The following AHCYL1 variants were observed in gnomAD, a reference collection of about 807,000 sequenced individuals.
AHCYL1 encodes adenosylhomocysteinase like 1.
A neutral mutation model predicts 79.3 loss-of-function variants in AHCYL1; 20 were observed. That is an observed-to-expected ratio of 0.25 (90% confidence interval 0.18 to 0.37). The LOEUF is 0.37. AHCYL1 is among the 10% of genes least tolerant of loss of function. AHCYL1 has a pLI of 1.00. For missense variants in AHCYL1, 330 were observed against 673.6 expected (o/e 0.49, Z 5.65); for synonymous variants, 223 against 242.2 (o/e 0.92, Z 0.74).
Position 110,021,833 on chromosome 1 carries a change from G to A in AHCYL1, c.*153G>A, listed in dbSNP as rs1651825436. On this transcript the variant is annotated 3_prime_UTR_variant, in exon 17 of 17. Coordinates refer to ENST00000369799, the MANE Select transcript of AHCYL1 (RefSeq NM_006621.7). Reference sequence around the variant, plus strand: ...TTCATCTCATTATCCAAGTTCTGCAGACCACACAGGAACTTGCTTCATGGC... The same window carrying A: ...TTCATCTCATTATCCAAGTTCTGCAAACCACACAGGAACTTGCTTCATGGC... The A allele has an allele frequency of 8.1e-6, 6 of 737,852 alleles. No individual in the cohort carries two copies. The Admixed American group carries it at 1.8e-4, about 22-fold the overall frequency. The allele number at this position is 737,852 out of a possible 1,614,324, so 45.7% of individuals were successfully genotyped here. A position where few individuals can be genotyped will look rare whatever the true frequency, so the allele number is the denominator to read the frequency against.
At position 110,011,367 on chromosome 1, in the gene AHCYL1, G is replaced by C; in HGVS notation, c.376+10G>C. ...GAGATTGCAGAGCAAGGTAAAGAAA[G>C]GGAGTGGGTTAGGGGACCAGAAACA... On this transcript the variant is annotated intron_variant, in intron 3 of 16. Transcript: ENST00000369799. 6.2e-7 allele frequency: 1 copy of C among 1,613,676 alleles called. No individual in the cohort carries two copies. The highest frequency in any genetic ancestry group is 8.5e-7 in the Non-Finnish European group (1 of 1,179,816).
rs1422657040 is a variant in AHCYL1 at position 110,011,306 on chromosome 1, A to G, written c.325A>G (p.Asn109Asp). 6.2e-7 allele frequency: 1 copy of G among 1,614,156 alleles called. No individual in the cohort carries two copies. The highest frequency in any genetic ancestry group is 1.7e-5 in the Admixed American group (1 of 60,018). ...SKGSSNFCVK[N>D]IKQAEFGRRE... is the part of the protein sequence containing the mutation. ...GGGCAGCAGCAATTTCTGTGTGAAG[A>G]ACATCAAGCAGGCAGAATTTGGACG... Residue 109 changes from asparagine (N) to aspartate (D), a missense_variant, in exon 3 of 17, where the codon AAC becomes GAC. By Grantham distance (23) the Asn-to-Asp change is conservative. Transcript: ENST00000369799.
chr1:110,008,859 G>A (rs1650835659), intron 1 of AHCYL1, among the ~76,000 whole-genome samples, 175 bp from the exon 2 acceptor site: 1 of 152,038 alleles, frequency 6.6e-6, no homozygotes, highest in South Asian at 2.1e-4. Flanking sequence ...TTGACGTGTT[G>A]GGAGAAGTCA....
rs1436947341 is a variant in AHCYL1 at position 110,019,080 on chromosome 1, A to T, written c.1347A>T (p.Thr449=). The T allele has an allele frequency of 1.2e-6, 2 of 1,614,188 alleles. No homozygotes were observed. The highest frequency in any genetic ancestry group is 1.7e-6 in the Non-Finnish European group (2 of 1,180,040). Residue 449 remains threonine, a synonymous_variant, in exon 14 of 17, where the codon ACA becomes ACT. Transcript: ENST00000369799. ...EGRLLNLSCS[T]VPTFVLSITA... ...GTCTACTCAATTTGAGCTGCTCCAC[A>T]GTTCCCACCTTTGTTCTGTCCATCA...
intron 1 of AHCYL1, chr1:109,995,530 C>T (rs191261140): frequency 0.018 from 5,712 of 317,690 alleles, 71 homozygotes; most frequent in Non-Finnish European, 0.022. Flanking sequence ...TTCTCTACTT[C>T]CTTTGCCTTA....
At chr1:110,001,490 C>A (rs1650312394) in intron 1 of AHCYL1, among the ~76,000 whole-genome samples, 1 of 152,148 alleles carries the variant, frequency 6.6e-6, no homozygotes, top group Non-Finnish European at 1.5e-5. Flanking sequence ...CCGGCCTTGA[C>A]AGCTTTTTAT....
intron 1 of AHCYL1, among the ~76,000 whole-genome samples, chr1:109,988,932 GAGTT>G (rs1449368434): frequency 1.3e-5 from 2 of 152,216 alleles, no homozygotes; most frequent in Non-Finnish European, 2.9e-5. Flanking sequence ...TTTGTCATCA[GAGTT>G]ATCTTACGGT....
intron 5 of AHCYL1, among the ~76,000 whole-genome samples, chr1:110,014,081 G>A (rs759652254): frequency 1.2e-4 from 18 of 151,936 alleles, no homozygotes; most frequent in African/African-American, 3.4e-4. Flanking sequence ...GATTACAGGC[G>A]TGAGACACCA....
At chr1:110,012,823 T>C in intron 4 of AHCYL1, 74 bp from the exon 5 acceptor site, 1 of 1,184,862 alleles carries the variant, frequency 8.4e-7, no homozygotes, top group Non-Finnish European at 1.2e-6. Context: ...GGTATTGCTA[T>C]CTTGATGAGG....
intron 1 of AHCYL1, 23 bp from the exon 2 acceptor site, chr1:110,009,001 AAGTTTTCAAC>A (rs1388561018): frequency 7.2e-6 from 11 of 1,530,668 alleles, no homozygotes; most frequent in Non-Finnish European, 8.1e-6. Context: ...TTTTCCTTAT[AAGTTTTCAAC>A]TTTTTGTCTT....
At chr1:110,002,619 CAG>C (rs1435481216) in intron 1 of AHCYL1, among the ~76,000 whole-genome samples, 1 of 152,154 alleles carries the variant, frequency 6.6e-6, no homozygotes, top group Non-Finnish European at 1.5e-5. Context: ...GGATTATTAA[CAG>C]ATGGTGAAGT....
chr1:110,001,336 G>A (rs922209062), intron 1 of AHCYL1, among the ~76,000 whole-genome samples: 6 of 152,142 alleles, frequency 3.9e-5, no homozygotes, highest in East Asian at 1.9e-4. Flanking sequence ...ACAGGCACAC[G>A]CCACCATGCC....
At chr1:109,989,761 A>C (rs1320904425) in intron 1 of AHCYL1, among the ~76,000 whole-genome samples, 1 of 152,244 alleles carries the variant, frequency 6.6e-6, no homozygotes, top group African/African-American at 2.4e-5. Flanking sequence ...TTTATAAAGA[A>C]TGTCAACCCT....
At chr1:109,994,523 A>G (rs532333821) in intron 1 of AHCYL1, among the ~76,000 whole-genome samples, 23 of 152,308 alleles carry the variant, frequency 1.5e-4, no homozygotes, top group African/African-American at 5.3e-4. Context: ...TCCTGACCTC[A>G]GGTGATCCAC....
In AHCYL1 at chr1:110,020,754, C is replaced by T; in HGVS notation, c.1489C>T (p.Leu497=). 1.2e-6 allele frequency: 2 copies of T among 1,613,070 alleles called. No individual in the cohort carries two copies. Among genetic ancestry groups the T allele is most frequent in the Non-Finnish European group, 1.7e-6 (2 of 1,179,634 alleles). The change falls in exon 16 of 17, where the codon CTG becomes TTG. Residue 497 remains leucine, a synonymous_variant. Transcript: ENST00000369799. The stretch of plus-strand genomic sequence containing the variant: ...AGATGAATACGTTGCCAGCTTGCAT[C>T]TGCCATCATTTGATGCCCACCTTAC... ...KMDEYVASLH[L]PSFDAHLTEL...
chr1:110,016,811 C>T (rs1031379600), intron 9 of AHCYL1, 81 bp downstream of exon 9: 2 of 1,513,922 alleles, frequency 1.3e-6, no homozygotes, highest in African/African-American at 2.8e-5. Flanking sequence ...TGCTGTCAAT[C>T]TAGAGTCACT....
intron 5 of AHCYL1, 131 bp downstream of exon 5, chr1:110,013,130 C>G (rs547456875): frequency 1.6e-4 from 97 of 593,534 alleles, no homozygotes; most frequent in Admixed American, 6.6e-4. Context: ...ATAAAAACCT[C>G]AACAGGAAGA....
At chr1:110,018,159 T>G in intron 11 of AHCYL1, 143 bp downstream of exon 11, 1 of 1,062,188 alleles carries the variant, frequency 9.4e-7, no homozygotes, top group Non-Finnish European at 1.4e-6. Flanking sequence ...TTAACATGTT[T>G]TCCAGAGTAA....
At chr1:110,002,327 G>A (rs1461616777) in intron 1 of AHCYL1, among the ~76,000 whole-genome samples, 2 of 152,166 alleles carry the variant, frequency 1.3e-5, no homozygotes, top group African/African-American at 4.8e-5. Flanking sequence ...GGTGAGCCTG[G>A]TATATCTTCT....
Sources: allele counts gnomAD v4.1 joint callset (sites outside exome capture counted in the v4.1 genomes callset), GRCh38; gene constraint gnomAD v4.1.1; transcripts MANE v1.5; gene names NCBI Gene and HGNC (gene_info 2026-07-23, HGNC 2026-07-21).